KIF1B: variants seen among roughly 807,000 people sequenced by gnomAD.
KIF1B encodes the protein kinesin-like protein KIF1B.
A neutral mutation model predicts 241.9 loss-of-function variants in KIF1B; 76 were observed. The ratio of observed to expected loss-of-function variants is 0.31; its 90% CI spans 0.26 to 0.38. KIF1B has a LOEUF of 0.38. Among genes scored for constraint, KIF1B ranks in the 10% least tolerant of loss-of-function variants. The pLI, the probability that KIF1B is intolerant of heterozygous loss-of-function variation, is 1.00. For synonymous variants in KIF1B, 750 were observed against 796.7 expected, an observed-to-expected ratio of 0.94 and a Z score of 0.99; for missense variants, 1,622 against 2,271.4, an observed-to-expected ratio of 0.71 and a Z score of 5.81.
At position 10,291,144 on chromosome 1, in the gene KIF1B, G is replaced by A. The variant is rs760551229; in HGVS notation, c.1497G>A (p.Glu499=). Residue 499 remains glutamate (E), a synonymous_variant, in exon 16 of 49, where the codon GAG becomes GAA. Transcript: ENST00000676179. ...GGGAAGAGAAGCTTCGTAAAACAGA[G>A]GCCATCAGAATGGAGAGGTCAGGAG... ...ETWEEKLRKT[E]AIRMEREALL... 1.2e-6 allele frequency: 2 copies of A among 1,612,474 alleles called. No individual in the cohort carries two copies. Among genetic ancestry groups the A allele is most frequent in the Non-Finnish European group, 8.5e-7 (1 of 1,178,726 alleles).
At chr1:10,332,783 G>A in intron 27 of KIF1B, among the ~76,000 whole-genome samples, 1 of 150,386 alleles carries the variant, frequency 6.6e-6, no homozygotes, top group Admixed American at 6.6e-5. Context: ...CCAAAGTGCT[G>A]GGATTACAAG....
chr1:10,273,113 G>C lies in KIF1B; in HGVS notation c.882+82G>C, dbSNP rs1030044287. ...ACTAGGATGTATGGAGGCATAAGTAGGAATGGAACCTTCAAAAATCTTTTC... is the reference window on the plus strand; with the variant it reads ...ACTAGGATGTATGGAGGCATAAGTACGAATGGAACCTTCAAAAATCTTTTC... On this transcript the variant is annotated intron_variant, in intron 10 of 48. Transcript: ENST00000676179. 4 of 1,006,174 alleles carry C rather than the reference G, an allele frequency of 4.0e-6. No homozygotes were observed. In the African/African-American group the frequency reaches 6.4e-5, roughly 16 times the overall value. 62.3% of individuals were successfully genotyped at this position (1,006,174 alleles called of 1,614,324 possible).
rs886044999 is a variant in KIF1B, at chr1:10,378,966, T to C, written c.*2379T>C. 3.0e-5 allele frequency: 7 copies of C among 232,852 alleles called. No individual in the cohort carries two copies. Among genetic ancestry groups the C allele is most frequent in the Non-Finnish European group, 2.5e-5 (3 of 117,908 alleles). 14.4% of individuals were successfully genotyped at this position (232,852 alleles called of 1,614,324 possible). A position where few individuals can be genotyped will look rare whatever the true frequency, so the allele number is the denominator to read the frequency against. ...AAGTGGTATGTGAGATTTTCTAATG[T>C]AGTTAGAAGTTTCATTGTCTGATGG... On this transcript the variant is annotated 3_prime_UTR_variant, in exon 49 of 49. Coordinates refer to ENST00000676179, the MANE Select transcript of KIF1B (RefSeq NM_001365951.3).
chr1:10,321,459 A>T (rs867413717), intron 23 of KIF1B, among the ~76,000 whole-genome samples: 3 of 152,174 alleles, frequency 2.0e-5, no homozygotes, highest in African/African-American at 7.2e-5. Context: ...AAAAAAAGAA[A>T]AATTTATTTC....
At chr1:10,215,384 C>G (rs890794540) in intron 1 of KIF1B, among the ~76,000 whole-genome samples, 5 of 151,390 alleles carry the variant, frequency 3.3e-5, no homozygotes, top group African/African-American at 1.2e-4. Context: ...CCATGTTGGT[C>G]AGGCTGGTCT....
At chr1:10,236,175 G>A (rs1285667341) in intron 2 of KIF1B, among the ~76,000 whole-genome samples, 1 of 151,952 alleles carries the variant, frequency 6.6e-6, no homozygotes, top group Non-Finnish European at 1.5e-5. Flanking sequence ...AGGAGGCTGA[G>A]GCAGAAGAAT....
intron 22 of KIF1B, among the ~76,000 whole-genome samples, chr1:10,318,627 G>A (rs1651397492): frequency 6.6e-6 from 1 of 152,122 alleles, no homozygotes; most frequent in South Asian, 2.1e-4. Flanking sequence ...GCTGAGGCAG[G>A]AGAATCGCTT....
At chr1:10,257,556 C>T (rs566378860) in intron 3 of KIF1B, among the ~76,000 whole-genome samples, 1 of 152,068 alleles carries the variant, frequency 6.6e-6, no homozygotes, top group Non-Finnish European at 1.5e-5. Flanking sequence ...GAGTAGGGCC[C>T]TTCCTGGTAC....
chr1:10,276,645 A>G (rs1426558881), intron 12 of KIF1B, among the ~76,000 whole-genome samples: 2 of 152,228 alleles, frequency 1.3e-5, no homozygotes, highest in East Asian at 1.9e-4. Context: ...GGATACCTAG[A>G]TAAGGCAGGA....
intron 6 of KIF1B, 48 bp downstream of exon 6, chr1:10,267,606 G>A (rs747300861): frequency 3.3e-5 from 53 of 1,590,822 alleles, no homozygotes; most frequent in Non-Finnish European, 4.5e-5. Context: ...CACCTTTTGA[G>A]GTCCTTTTTT....
intron 2 of KIF1B, among the ~76,000 whole-genome samples, chr1:10,240,198 T>C (rs1647116431): frequency 6.6e-6 from 1 of 151,348 alleles, no homozygotes; most frequent in African/African-American, 2.4e-5. Flanking sequence ...CACCACACCC[T>C]GCCAAACCTT....
intron 1 of KIF1B, among the ~76,000 whole-genome samples, chr1:10,223,869 A>G (rs1188936467): frequency 2.6e-5 from 4 of 152,094 alleles, no homozygotes; most frequent in Non-Finnish European, 5.9e-5. Context: ...GAGACAGTAA[A>G]ATCAGAAAAA....
intron 5 of KIF1B, among the ~76,000 whole-genome samples, chr1:10,262,213 G>A (rs1648191587): frequency 6.6e-6 from 1 of 152,106 alleles, no homozygotes; most frequent in Non-Finnish European, 1.5e-5. Context: ...GCAGTGGCGT[G>A]ATCACAGCTC....
intron 38 of KIF1B, among the ~76,000 whole-genome samples, chr1:10,357,974 A>G (rs574966069): frequency 2.2e-4 from 34 of 152,126 alleles, no homozygotes; most frequent in African/African-American, 7.9e-4. Flanking sequence ...GCACCATTGC[A>G]CTCCAGCCTG....
At chr1:10,347,626 A>G (rs965247394) in intron 35 of KIF1B, 135 bp from the exon 36 acceptor site, 10 of 735,956 alleles carry the variant, frequency 1.4e-5, no homozygotes, top group Non-Finnish European at 2.0e-5. Flanking sequence ...AGTAAATGCA[A>G]ATGACTGTAT....
chr1:10,368,679 AC>A, intron 44 of KIF1B, 141 bp downstream of exon 44: 1 of 729,918 alleles, frequency 1.4e-6, no homozygotes, highest in South Asian at 1.5e-5. Flanking sequence ...TTTATGACAT[AC>A]TGCTCTGGTA....
At chr1:10,225,581 A>G (rs1557647940) in intron 1 of KIF1B, among the ~76,000 whole-genome samples, 1 of 152,254 alleles carries the variant, frequency 6.6e-6, no homozygotes, top group South Asian at 2.1e-4. Context: ...GAGAGAATCC[A>G]TCAAGACTTT....
intron 22 of KIF1B, chr1:10,304,036 A>C (rs1319251588): frequency 3.7e-6 from 6 of 1,611,404 alleles, no homozygotes; most frequent in Non-Finnish European, 5.1e-6. Flanking sequence ...TCATAGGTTC[A>C]TCCCTCCTGA....
intron 34 of KIF1B, among the ~76,000 whole-genome samples, chr1:10,344,231 C>G (rs546678865): frequency 6.6e-6 from 1 of 152,320 alleles, no homozygotes; most frequent in East Asian, 1.9e-4. Flanking sequence ...GACCCATTGC[C>G]GCCTTTTCTC....
Sources: gnomAD v4.1 joint callset for allele counts (sites outside exome capture counted in the v4.1 genomes callset) on GRCh38, gnomAD v4.1.1 for gene constraint, MANE v1.5 for transcripts, NCBI Gene and HGNC (gene_info 2026-07-23, HGNC 2026-07-21) for gene names.